SHKBP1: variants seen among roughly 807,000 people sequenced by gnomAD.
The protein encoded by SHKBP1 is SH3KBP1-binding protein 1.
A neutral mutation model predicts 83.9 loss-of-function variants in SHKBP1; 71 were observed. The ratio of observed to expected loss-of-function variants is 0.85; its 90% confidence interval spans 0.70 to 1.03. The LOEUF is 1.03. Among genes scored for constraint, SHKBP1 ranks in the 50% least tolerant of loss-of-function variants. The pLI is 0.00. For missense variants in SHKBP1, 824 were observed against 982.4 expected (o/e 0.84, Z 2.16); for synonymous variants, 371 against 398.0 (o/e 0.93, Z 0.81).
In SHKBP1 at chr19:40,578,525, G is replaced by A; in HGVS notation, c.383G>A (p.Gly128Asp). The change falls in exon 6 of 18, where the codon GGT becomes GAT. Residue 128 changes from glycine (G) to aspartate (D), a missense_variant. Gly to Asp is a moderately conservative substitution (Grantham distance 94). Around this residue, in one of 3 missense-constraint regions of SHKBP1, gnomAD observed 355 missense variants for 386.4 expected, o/e 0.92. Coordinates refer to ENST00000291842, the MANE Select transcript of SHKBP1 (RefSeq NM_138392.4). ...RSSCGNVLFNGYLPPPVFPVK... is the reference protein window; with the variant it reads ...RSSCGNVLFNDYLPPPVFPVK... ...TCTTGTGGAAACGTCCTCTTCAATG[G>A]TTACCTGCCGCCACCAGGTAGGCAC... 6.2e-7 allele frequency: 1 copy of A among 1,613,936 alleles called. No individual in the cohort carries two copies. Among genetic ancestry groups the A allele is most frequent in the East Asian group, 2.2e-5 (1 of 44,872 alleles).
At chr19:40,586,082 A>G (rs534563705) in intron 12 of SHKBP1, among the ~76,000 whole-genome samples, 53 of 152,068 alleles carry the variant, frequency 3.5e-4, no homozygotes, top group African/African-American at 1.2e-3. Flanking sequence ...TTTTTTAAAA[A>G]TCTTTTGTAG....
chr19:40,584,573 C>G (rs1220433194), intron 12 of SHKBP1, among the ~76,000 whole-genome samples: 1 of 152,218 alleles, frequency 6.6e-6, no homozygotes, highest in Non-Finnish European at 1.5e-5. Context: ...TGATCTTTAG[C>G]AGTAACTCCA....
chr19:40,583,518 A>G (rs777767803), intron 11 of SHKBP1, 33 bp downstream of exon 11: 1 of 1,611,394 alleles, frequency 6.2e-7, no homozygotes, highest in Admixed American at 1.7e-5. Context: ...GGTGCCCGAG[A>G]CCCTCCCCTG....
At position 40,590,960 on chromosome 19, in the gene SHKBP1, G is replaced by A. The variant is rs2081354579; in HGVS notation, c.1893-16G>A. ...TGCCCCGTGATGACGTGCACTTACT[G>A]TCCTTACTTCCTCAGCCTCCACTCA... On this transcript the variant is annotated splice_polypyrimidine_tract_variant and intron_variant, in intron 17 of 17. Coordinates refer to ENST00000291842, the MANE Select transcript of SHKBP1 (RefSeq NM_138392.4). The surrounding 1 kb of genome is among the most constrained non-coding windows in gnomAD (Gnocchi z 4.6). 1 of 1,595,054 alleles carries A rather than the reference G, an allele frequency of 6.3e-7. No individual in the cohort carries two copies. The highest frequency in any genetic ancestry group is 1.3e-5 in the African/African-American group (1 of 74,676).
At chr19:40,588,448 G>A (rs1181494343) in intron 13 of SHKBP1, among the ~76,000 whole-genome samples, 176 bp from the exon 14 acceptor site, 1 of 152,198 alleles carries the variant, frequency 6.6e-6, no homozygotes, top group African/African-American at 2.4e-5. Context: ...AGTTTTGGAG[G>A]CAGAGGCAAC....
At position 40,576,873 on chromosome 19, in the gene SHKBP1, G is replaced by T; in HGVS notation, c.-27G>T. The T allele has an allele frequency of 7.1e-7, 1 of 1,404,288 alleles. No homozygotes were observed. Among genetic ancestry groups the T allele is most frequent in the Non-Finnish European group, 9.4e-7 (1 of 1,062,146 alleles). The allele number at this position is 1,404,288 out of a possible 1,614,324, so 87.0% of individuals were successfully genotyped here. A position where few individuals can be genotyped will look rare whatever the true frequency, so the allele number is the denominator to read the frequency against. The stretch of plus-strand genomic sequence containing the variant: ...TCCGGGTGCACACCCGGAAGTGGGT[G>T]CGGGCCAGCCGGCTCGCCCGGGGGC... On this transcript the variant is annotated 5_prime_UTR_variant, in exon 1 of 18. Transcript: ENST00000291842.
In SHKBP1 at chr19:40,583,658, A is replaced by T. The variant is rs1330726556; in HGVS notation, c.1106A>T (p.Tyr369Phe). ...AACGACCTCCTTGTCAGCGAGCTCT[A>T]TCGGGACCCAGCGGAGGATGGGGTC... ...KDNDLLVSELYRDPAEDGVTA... is the reference protein window; with the variant it reads ...KDNDLLVSELFRDPAEDGVTA... Residue 369 changes from tyrosine (Y) to phenylalanine (F), a missense_variant, in exon 12 of 18, where the codon TAT (tyrosine) becomes TTT (phenylalanine). Transcript: ENST00000291842. 6.2e-7 allele frequency: 1 copy of T among 1,613,688 alleles called. No individual in the cohort carries two copies. The highest frequency in any genetic ancestry group is 1.3e-5 in the African/African-American group (1 of 74,776).
At chr19:40,581,385 C>T (rs908874801) in intron 9 of SHKBP1, among the ~76,000 whole-genome samples, 3 of 151,864 alleles carry the variant, frequency 2.0e-5, no homozygotes, top group Admixed American at 1.3e-4. Context: ...TGTGGTGGCA[C>T]GTGCCTGTAA....
In SHKBP1 at chr19:40,577,315, T is replaced by C. The variant is rs1599835133; in HGVS notation, c.140+31T>C. The C allele has an allele frequency of 2.5e-6, 4 of 1,612,840 alleles. No individual in the cohort carries two copies. In the East Asian group the frequency reaches 8.9e-5, roughly 36 times the overall value. On this transcript the variant is annotated intron_variant, in intron 2 of 17. Coordinates refer to ENST00000291842, the MANE Select transcript of SHKBP1 (RefSeq NM_138392.4). ...CGGGAGAGCGAGTTTGGGGCGAGGG[T>C]AGGAGGGATGGAGAGGGCGTGGGAG...
chr19:40,578,634 G>A (rs1189856333), intron 6 of SHKBP1, 92 bp downstream of exon 6: 3 of 1,137,050 alleles, frequency 2.6e-6, no homozygotes, highest in African/African-American at 1.5e-5. Context: ...TGTGCTGTGC[G>A]TCCTGAGATA....
intron 6 of SHKBP1, among the ~76,000 whole-genome samples, chr19:40,579,685 A>C (rs2081250651): frequency 6.6e-6 from 1 of 152,142 alleles, no homozygotes; most frequent in South Asian, 2.1e-4. Flanking sequence ...AACGAAAAAC[A>C]ACTCTGGCTA....
At position 40,577,802 on chromosome 19, in the gene SHKBP1, G is replaced by C. The variant is rs2081231516; in HGVS notation, c.260+172G>C. On this transcript the variant is annotated intron_variant, in intron 4 of 17. Coordinates refer to ENST00000291842, the MANE Select transcript of SHKBP1 (RefSeq NM_138392.4). ...CACGCCTGTAATCCCAACACTTTGG[G>C]AGGCCGAGGTGGGAGGATCACTTGA... 5 of 791,844 alleles carry C rather than the reference G, an allele frequency of 6.3e-6. No homozygotes were observed. The East Asian group carries it at 1.3e-4, about 21-fold the overall frequency. 49.1% of individuals were successfully genotyped at this position (791,844 alleles called of 1,614,324 possible).
chr19:40,576,884 G>C lies in SHKBP1; in HGVS notation c.-16G>C. The C allele has an allele frequency of 1.4e-6, 2 of 1,440,978 alleles. No individual in the cohort carries two copies. Among genetic ancestry groups the C allele is most frequent in the Non-Finnish European group, 1.8e-6 (2 of 1,093,288 alleles). 89.3% of individuals were successfully genotyped at this position (1,440,978 alleles called of 1,614,324 possible). On this transcript the variant is annotated 5_prime_UTR_variant, in exon 1 of 18. Coordinates refer to ENST00000291842, the MANE Select transcript of SHKBP1 (RefSeq NM_138392.4). ...ACCCGGAAGTGGGTGCGGGCCAGCC[G>C]GCTCGCCCGGGGGCCATGGCAGCAG...
At chr19:40,582,958 G>A (rs1056912160) in intron 10 of SHKBP1, among the ~76,000 whole-genome samples, 2 of 152,096 alleles carry the variant, frequency 1.3e-5, no homozygotes, top group African/African-American at 4.8e-5. Context: ...CTGAACCACT[G>A]TGGCAGATGG....
intron 10 of SHKBP1, 169 bp downstream of exon 10, chr19:40,582,635 C>T (rs2145983838): frequency 1.7e-6 from 1 of 594,420 alleles, no homozygotes; most frequent in Non-Finnish European, 3.0e-6. Flanking sequence ...CTAAGGAGCA[C>T]CAGGGAAGCC....
intron 9 of SHKBP1, 25 bp downstream of exon 9, chr19:40,580,961 A>G (rs761963468): frequency 1.3e-6 from 2 of 1,510,464 alleles, no homozygotes; most frequent in Admixed American, 4.5e-5. Context: ...CTTTTCCAGA[A>G]CCCTCTGTCC....
rs1376668619 is a variant in SHKBP1, at chr19:40,590,649, G to C, written c.1769-81G>C. On this transcript the variant is annotated intron_variant, in intron 16 of 17. Coordinates refer to ENST00000291842, the MANE Select transcript of SHKBP1 (RefSeq NM_138392.4). This position sits in a 1 kb window ranked among gnomAD's most constrained non-coding sequence, Gnocchi z 4.6. ...CTTCCTCTCTCCTGTCCTGACCCTCGGTGCTTGCACTGCAATGCAACCCAG... is the reference window on the plus strand; with the variant it reads ...CTTCCTCTCTCCTGTCCTGACCCTCCGTGCTTGCACTGCAATGCAACCCAG... 2.7e-6 allele frequency: 4 copies of C among 1,480,640 alleles called. No homozygotes were observed. In the African/African-American group the frequency reaches 5.6e-5, roughly 21 times the overall value. 91.7% of individuals were successfully genotyped at this position (1,480,640 alleles called of 1,614,324 possible).
intron 13 of SHKBP1, among the ~76,000 whole-genome samples, chr19:40,587,365 A>G (rs745938367): frequency 2.1e-4 from 32 of 150,550 alleles, no homozygotes; most frequent in Non-Finnish European, 3.7e-4. Context: ...CAAGGCGGGT[A>G]GATTACTTGA....
chr19:40,582,518 C>A, intron 10 of SHKBP1, 52 bp downstream of exon 10: 1 of 1,517,548 alleles, frequency 6.6e-7, no homozygotes, highest in Non-Finnish European at 9.1e-7. Context: ...CCAGACTGTA[C>A]AGACCCAGGA....
Sources: gnomAD v4.1 joint callset for allele counts (sites outside exome capture counted in the v4.1 genomes callset) on GRCh38, gnomAD v4.1.1 for gene constraint, gnomAD v4.1.1 regional missense constraint, Gnocchi (gnomAD v3.1) non-coding constraint, MANE v1.5 for transcripts, NCBI Gene and HGNC (gene_info 2026-07-23, HGNC 2026-07-21) for gene names.